Variants in LAMA3 observed in about 807,000 individuals in gnomAD.
LAMA3 encodes the protein laminin subunit alpha-3.
In LAMA3, 281 loss-of-function variants were observed where a neutral mutation model predicts 402.0. The observed-to-expected ratio is 0.70, with a 90% CI of 0.63 to 0.77. The LOEUF is 0.77. Among genes scored for constraint, LAMA3 ranks in the 30% least tolerant of loss-of-function variants. The pLI is 0.00. For missense variants in LAMA3, 3,840 were observed against 4,215.5 expected, an observed-to-expected ratio of 0.91 and a Z score of 2.47; for synonymous variants, 1,431 against 1,558.4, an observed-to-expected ratio of 0.92 and a Z score of 1.93.
intron 11 of LAMA3, among the ~76,000 whole-genome samples, chr18:23,779,245 C>T (rs2062387151): frequency 6.6e-6 from 1 of 151,586 alleles, no homozygotes; most frequent in Admixed American, 6.6e-5. Context: ...ATATAGAAGG[C>T]TCTTTGGGTC....
chr18:23,774,165 G>A (rs997436274), intron 9 of LAMA3, among the ~76,000 whole-genome samples: 1 of 152,218 alleles, frequency 6.6e-6, no homozygotes, highest in Non-Finnish European at 1.5e-5. Context: ...GGAGGTTGCA[G>A]TGAGCCAAGA....
intron 2 of LAMA3, among the ~76,000 whole-genome samples, chr18:23,727,350 G>C (rs1221719218): frequency 6.6e-6 from 1 of 152,108 alleles, no homozygotes; most frequent in Non-Finnish European, 1.5e-5. Flanking sequence ...TTTTGAGATG[G>C]AGTCTCACTC....
At chr18:23,717,838 G>T (rs996804542) in intron 2 of LAMA3, among the ~76,000 whole-genome samples, 2 of 150,368 alleles carry the variant, frequency 1.3e-5, no homozygotes, top group Admixed American at 1.3e-4. Context: ...CAAAGTGCTG[G>T]GATTACAGGC....
At chr18:23,933,674 CTCT>C in intron 66 of LAMA3, 105 bp from the exon 67 acceptor site, 1 of 1,231,020 alleles carries the variant, frequency 8.1e-7, no homozygotes, top group Non-Finnish European at 1.2e-6. Flanking sequence ...TAACCAACCC[CTCT>C]TCATCCCCAA....
At chr18:23,867,099 C>T (rs993352939) in intron 36 of LAMA3, among the ~76,000 whole-genome samples, 79 of 152,290 alleles carry the variant, frequency 5.2e-4, no homozygotes, top group Non-Finnish European at 1.0e-3. Flanking sequence ...GGGAATTTTT[C>T]GCTCCACATG....
At position 23,857,988 on chromosome 18, in the gene LAMA3, G is replaced by T. The variant is rs1203560087; in HGVS notation, c.4281G>T (p.Lys1427Asn). Residue 1427 changes from lysine to asparagine, a missense_variant and splice_region_variant, in exon 33 of 75, where the codon AAG becomes AAT. This residue lies in a region of LAMA3 where 2,109 missense variants were observed against 2,376.0 expected (regional missense o/e 0.89). Transcript: ENST00000313654. ...CAGGGACCGGGGCTTGCCTCTGCAA[G>T]GTAAGAGAGATCGTGCAATGCCAGA... ...CDPGTGACLC[K>N]ENVEGTECNV... 6.2e-7 allele frequency: 1 copy of T among 1,614,070 alleles called. No individual in the cohort carries two copies. Among genetic ancestry groups the T allele is most frequent in the African/African-American group, 1.3e-5 (1 of 74,932 alleles).
intron 12 of LAMA3, among the ~76,000 whole-genome samples, chr18:23,799,582 A>G (rs2062830305): frequency 6.6e-6 from 1 of 152,142 alleles, no homozygotes. Context: ...TATGCTGTGG[A>G]GCTGCCACCA....
At chr18:23,817,466 G>A (rs962260628) in intron 18 of LAMA3, among the ~76,000 whole-genome samples, 1 of 152,264 alleles carries the variant, frequency 6.6e-6, no homozygotes, top group Middle Eastern at 3.4e-3. Context: ...GAGCAGGCTG[G>A]GAGTGATGTC....
intron 66 of LAMA3, 47 bp from the exon 67 acceptor site, chr18:23,933,735 G>A (rs1261143246): frequency 1.1e-5 from 17 of 1,606,958 alleles, no homozygotes; most frequent in East Asian, 2.2e-5. Flanking sequence ...GGTCTTCCTC[G>A]ACATGTCCAA....
At chr18:23,815,370 C>T in intron 16 of LAMA3, 98 bp from the exon 17 acceptor site, 2 of 1,348,418 alleles carry the variant, frequency 1.5e-6, no homozygotes, top group Non-Finnish European at 1.1e-6. Flanking sequence ...ATCCTGGCTA[C>T]ACTGCTTCCT....
At chr18:23,939,095 A>C in intron 67 of LAMA3, 128 bp from the exon 68 acceptor site, 1 of 958,094 alleles carries the variant, frequency 1.0e-6, no homozygotes, top group Non-Finnish European at 1.7e-6. Flanking sequence ...TCTCCATGGT[A>C]CCAGGCCTTC....
Position 23,689,800 on chromosome 18 carries a change from CG to C in LAMA3, c.121del (p.Ala41ProfsTer117), listed in dbSNP as rs1212763241. 6 of 1,536,984 alleles carry C rather than the reference CG, an allele frequency of 3.9e-6. No individual in the cohort carries two copies. Among genetic ancestry groups the C allele is most frequent in the Admixed American group, 2.0e-5 (1 of 50,974 alleles). The stretch of plus-strand genomic sequence containing the variant: ...CCTGCGGGGCGACCGCTCGGGATCC[CG>C]GGGCCGCGGCCGGGCTCAGCCTTCA... ...PACGATARDPGAAAGLSLHPT... is the reference protein window; with the variant it reads ...PACGATARDPXAAAGLSLHPT... On this transcript the variant is annotated frameshift_variant, in exon 1 of 75. Transcript: ENST00000313654. LOFTEE classifies it high-confidence loss of function.
chr18:23,778,329 C>T (rs919023019), intron 11 of LAMA3, among the ~76,000 whole-genome samples: 1 of 152,134 alleles, frequency 6.6e-6, no homozygotes, highest in African/African-American at 2.4e-5. Flanking sequence ...GAAAAAATTC[C>T]CAGCTTTCTT....
intron 39 of LAMA3, among the ~76,000 whole-genome samples, chr18:23,876,752 G>A (rs1293809438): frequency 6.6e-6 from 1 of 152,182 alleles, no homozygotes; most frequent in African/African-American, 2.4e-5. Context: ...AATTTTGTTG[G>A]GGCGGCAGGA....
chr18:23,690,582 G>A (rs1329739525), intron 1 of LAMA3, among the ~76,000 whole-genome samples: 2 of 152,104 alleles, frequency 1.3e-5, no homozygotes, highest in Non-Finnish European at 2.9e-5. Context: ...GCGAACACCC[G>A]GGGCAAACGA....
intron 12 of LAMA3, among the ~76,000 whole-genome samples, chr18:23,803,076 G>T (rs1159065350): frequency 6.6e-6 from 1 of 152,178 alleles, no homozygotes; most frequent in Non-Finnish European, 1.5e-5. Context: ...GCAATACTAT[G>T]TGGATACTAT....
intron 2 of LAMA3, among the ~76,000 whole-genome samples, chr18:23,720,409 C>T (rs1387201278): frequency 6.6e-6 from 1 of 151,972 alleles, no homozygotes; most frequent in Non-Finnish European, 1.5e-5. Context: ...GGCTGGAGTG[C>T]AGTGGCGCAA....
Position 23,689,983 on chromosome 18 carries a change from G to C in LAMA3, c.294+6G>C, listed in dbSNP as rs1205441049. On this transcript the variant is annotated splice_donor_region_variant and intron_variant, in intron 1 of 74. Coordinates refer to ENST00000313654, the MANE Select transcript of LAMA3 (RefSeq NM_198129.4). ...GCAGCGGCCACACCATCCAGGTGAG[G>C]GCCTCGGAGAGAGCCGGGGTGGGCG... 1 of 1,446,420 alleles carries C rather than the reference G, an allele frequency of 6.9e-7. No individual in the cohort carries two copies. Among genetic ancestry groups the C allele is most frequent in the African/African-American group, 1.5e-5 (1 of 67,638 alleles). 89.6% of individuals were successfully genotyped at this position (1,446,420 alleles called of 1,614,324 possible).
At chr18:23,876,186 C>G (rs2064704620) in intron 38 of LAMA3, 108 bp from the exon 39 acceptor site, 1 of 770,210 alleles carries the variant, frequency 1.3e-6, no homozygotes, top group Non-Finnish European at 2.3e-6. Flanking sequence ...GAGACCCTGT[C>G]TAAAAAATAA....
Sources: gnomAD v4.1 joint callset for allele counts (sites outside exome capture counted in the v4.1 genomes callset) on GRCh38, gnomAD v4.1.1 for gene constraint, gnomAD v4.1.1 regional missense constraint, MANE v1.5 for transcripts, NCBI Gene and HGNC (gene_info 2026-07-23, HGNC 2026-07-21) for gene names.